The following ATAD2B variants were observed in gnomAD, a reference collection of about 807,000 sequenced individuals.
The protein encoded by ATAD2B is ATPase family AAA domain-containing protein 2B.
A neutral mutation model predicts 167.6 loss-of-function variants in ATAD2B; 40 were observed. The ratio of observed to expected loss-of-function variants is 0.24; its 90% CI spans 0.19 to 0.31. The LOEUF is 0.31. Among genes scored for constraint, ATAD2B ranks in the 10% least tolerant of loss-of-function variants. ATAD2B has a pLI of 1.00. For synonymous variants in ATAD2B, 579 were observed against 596.5 expected (o/e 0.97, Z 0.43); for missense variants, 1,242 against 1,757.2 (o/e 0.71, Z 5.24).
intron 13 of ATAD2B, among the ~76,000 whole-genome samples, chr2:23,835,396 G>A (rs539828453): frequency 1.3e-5 from 2 of 152,252 alleles, no homozygotes; most frequent in African/African-American, 2.4e-5. Context: ...CTTTGCTAAG[G>A]AAGCTAGACA....
intron 19 of ATAD2B, among the ~76,000 whole-genome samples, chr2:23,796,453 A>T (rs908953168): frequency 1.4e-4 from 22 of 152,338 alleles, no homozygotes; most frequent in African/African-American, 5.0e-4. Context: ...AAAATTACAT[A>T]TGCATATGGG....
intron 1 of ATAD2B, among the ~76,000 whole-genome samples, chr2:23,917,532 G>A (rs900515327): frequency 6.6e-6 from 1 of 151,782 alleles, no homozygotes; most frequent in African/African-American, 2.4e-5. Flanking sequence ...CCAAGTAGAG[G>A]GAAAGATAGT....
chr2:23,882,880 T>C (rs1430293564), intron 6 of ATAD2B, among the ~76,000 whole-genome samples: 1 of 150,940 alleles, frequency 6.6e-6, no homozygotes, highest in Non-Finnish European at 1.5e-5. Flanking sequence ...AAATGCAATA[T>C]GTAACTTTTT....
chr2:23,773,516 C>T (rs1330748155), intron 22 of ATAD2B, among the ~76,000 whole-genome samples: 2 of 152,048 alleles, frequency 1.3e-5, no homozygotes, highest in South Asian at 2.1e-4. Flanking sequence ...AGTGAGACCC[C>T]CTCTTGCGGG....
the ATAD2B span, among the ~76,000 whole-genome samples, chr2:23,703,027 G>C: frequency 2.0e-5 from 3 of 152,256 alleles, no homozygotes; most frequent in Admixed American, 6.5e-5. Context: ...AGGAGGTCTT[G>C]AGTGTCTCAT....
chr2:23,889,708 T>C, intron 2 of ATAD2B, among the ~76,000 whole-genome samples: 1 of 150,642 alleles, frequency 6.6e-6, no homozygotes, highest in African/African-American at 2.4e-5. Context: ...TCACCTGAGG[T>C]CAGGAGTTCG....
At chr2:23,823,213 T>C in intron 16 of ATAD2B, 45 bp downstream of exon 16, 1 of 1,381,554 alleles carries the variant, frequency 7.2e-7, no homozygotes, top group Non-Finnish European at 9.9e-7. Context: ...TATTTATTCC[T>C]GTATTTGTTT....
Position 23,892,088 on chromosome 2 carries a change from C to T in ATAD2B, c.369-3689G>A, listed in dbSNP as rs6714606. 9.5e-3 allele frequency among the ~76,000 whole-genome samples: 1,454 copies of T among 152,328 alleles called. 17 individuals carry two copies. The highest frequency in any genetic ancestry group is 0.05 in the South Asian group (242 of 4,826). The stretch of plus-strand genomic sequence containing the variant: ...TCCACATAGGTGGTTATACTTCTGC[C>T]TCACCTCACTACTTCCTCATTACCT... On this transcript the variant is annotated intron_variant, in intron 2 of 27. Coordinates refer to ENST00000238789, the MANE Select transcript of ATAD2B (RefSeq NM_017552.4).
chr2:23,757,774 T>C lies in ATAD2B; in HGVS notation c.3722A>G (p.Glu1241Gly), dbSNP rs1287108533. 6.3e-7 allele frequency: 1 copy of C among 1,583,520 alleles called. No individual in the cohort carries two copies. Among genetic ancestry groups the C allele is most frequent in the Admixed American group, 1.9e-5 (1 of 52,778 alleles). ...ACTGCTGCTGTTGACCAGTAGAGATTCATTTGAACTTTCCTCCTCAGTAGA... is the reference window on the plus strand; with the variant it reads ...ACTGCTGCTGTTGACCAGTAGAGATCCATTTGAACTTTCCTCCTCAGTAGA... ...FASTEEESSN[E>G]SLLVNSSSSL... The change falls in exon 25 of 28, where the codon GAA becomes GGA. Residue 1241 changes from glutamate to glycine, a missense_variant. Glu to Gly is a moderately conservative substitution (Grantham distance 98). Transcript: ENST00000238789.
At chr2:23,709,569 C>A in the ATAD2B span, among the ~76,000 whole-genome samples, 12,081 of 151,364 alleles carry the variant, frequency 0.08, 584 homozygotes, top group South Asian at 0.13. Context: ...TATTGGCCAG[C>A]TTTGTCATCC....
chr2:23,788,923 G>A (rs894378124), intron 19 of ATAD2B, among the ~76,000 whole-genome samples: 4 of 123,172 alleles, frequency 3.2e-5, no homozygotes, highest in Non-Finnish European at 5.4e-5. Flanking sequence ...AAGGATAGCT[G>A]GTTGTAACAG....
At position 23,878,025 on chromosome 2, in the gene ATAD2B, A is replaced by AAG. The variant is rs1553440553; in HGVS notation, c.902-2122_902-2121insCT. Among the ~76,000 whole-genome samples the AAG allele has an allele frequency of 2.0e-3, 218 of 106,970 alleles. 8 individuals are homozygous for AAG. The highest frequency in any genetic ancestry group is 0.012 in the South Asian group (41 of 3,288). 70.2% of individuals were successfully genotyped at this position (106,970 alleles called of 152,430 possible). ...ACCCTATCTCCAAAGAAAAAAAAAAAAAAAAAAAAAAAAAGCAAAATGTAT... is the reference window on the plus strand; with the variant it reads ...ACCCTATCTCCAAAGAAAAAAAAAAAAGAAAAAAAAAAAAAAGCAAAATGTAT... On this transcript the variant is annotated intron_variant, in intron 7 of 27. Transcript: ENST00000238789.
At chr2:23,886,184 G>A (rs1172083101) in intron 4 of ATAD2B, among the ~76,000 whole-genome samples, 7 of 151,918 alleles carry the variant, frequency 4.6e-5, no homozygotes, top group African/African-American at 1.2e-4. Context: ...GGGCTCAAGC[G>A]ATTCATTCAT....
chr2:23,739,096 T>A, the ATAD2B span, among the ~76,000 whole-genome samples: 1 of 152,090 alleles, frequency 6.6e-6, no homozygotes, highest in South Asian at 2.1e-4. Flanking sequence ...CACCCAATAA[T>A]AATGGGAGAC....
At chr2:23,758,847 G>T (rs1181232909) in intron 24 of ATAD2B, among the ~76,000 whole-genome samples, 1 of 152,162 alleles carries the variant, frequency 6.6e-6, no homozygotes, top group Admixed American at 6.6e-5. Flanking sequence ...GGTCACTTAT[G>T]TGAAAAGGGA....
At chr2:23,752,296 G>GGAT (rs1192385061) in intron 27 of ATAD2B, among the ~76,000 whole-genome samples, 1 of 151,698 alleles carries the variant, frequency 6.6e-6, no homozygotes. Context: ...AGGCCAATAA[G>GGAT]GATGATGATG....
chr2:23,907,337 GA>G (rs986019351), intron 1 of ATAD2B, among the ~76,000 whole-genome samples: 30 of 152,004 alleles, frequency 2.0e-4, no homozygotes, highest in African/African-American at 7.0e-4. Context: ...GACAAACAGA[GA>G]GCCAAATCAT....
chr2:23,759,935 C>T (rs1006007893), intron 24 of ATAD2B, among the ~76,000 whole-genome samples: 28 of 152,186 alleles, frequency 1.8e-4, no homozygotes, highest in African/African-American at 6.5e-4. Flanking sequence ...ACCTGACAGG[C>T]CATTCCTGAC....
intron 2 of ATAD2B, among the ~76,000 whole-genome samples, chr2:23,892,988 A>G (rs1699748857): frequency 6.6e-6 from 1 of 152,208 alleles, no homozygotes; most frequent in East Asian, 1.9e-4. Flanking sequence ...TACAATATAA[A>G]AACTATATAT....
Sources: allele counts gnomAD v4.1 joint callset (sites outside exome capture counted in the v4.1 genomes callset), GRCh38; gene constraint gnomAD v4.1.1; transcripts MANE v1.5; gene names NCBI Gene and HGNC (gene_info 2026-07-23, HGNC 2026-07-21).